SREK1: variants seen among roughly 807,000 people sequenced by gnomAD.
The protein encoded by SREK1 is splicing regulatory glutamine/lysine-rich protein 1.
A neutral mutation model predicts 66.5 loss-of-function variants in SREK1; 13 were observed. The observed-to-expected ratio is 0.20, with a 90% CI of 0.13 to 0.31. The LOEUF (loss-of-function observed/expected upper bound fraction) is 0.31. SREK1 is among the 10% of genes least tolerant of loss of function. The probability of loss-of-function intolerance (pLI) is 1.00; values close to 1 mark genes in which losing one functional copy is unlikely to be tolerated. For synonymous variants in SREK1, 265 were observed against 263.5 expected (o/e 1.01, Z -0.05); for missense variants, 607 against 769.6 (o/e 0.79, Z 2.50).
At chr5:66,156,352 T>G in intron 2 of SREK1, 1 of 1,273,042 alleles carries the variant, frequency 7.9e-7, no homozygotes, top group Non-Finnish European at 9.9e-7. Flanking sequence ...TGGTATTTCA[T>G]TAAGGGTTCA....
intron 2 of SREK1, chr5:66,156,110 G>T: frequency 6.7e-7 from 1 of 1,498,628 alleles, no homozygotes; most frequent in Non-Finnish European, 8.8e-7. Context: ...GCCTGAGTTA[G>T]GCATTGTTTG....
Position 66,170,036 on chromosome 5 carries a change from A to G in SREK1, c.1002-15A>G. The G allele has an allele frequency of 2.0e-6, 3 of 1,512,198 alleles. No individual in the cohort carries two copies. Among genetic ancestry groups the G allele is most frequent in the South Asian group, 1.4e-5 (1 of 73,790 alleles). 93.7% of individuals were successfully genotyped at this position (1,512,198 alleles called of 1,614,324 possible). ...TAAATTAAGTTTTGATATTCTAACA[A>G]TTTTTTTTCTTTAGGAGTAGATCCC... On this transcript the variant is annotated splice_polypyrimidine_tract_variant and intron_variant, in intron 7 of 11. Coordinates refer to ENST00000334121, the MANE Select transcript of SREK1 (RefSeq NM_001077199.3).
chr5:66,176,295 A>T (rs527292312), intron 10 of SREK1, among the ~76,000 whole-genome samples: 12 of 152,250 alleles, frequency 7.9e-5, no homozygotes, highest in African/African-American at 2.9e-4. Context: ...CTGGCCGTTC[A>T]TGTGCCAGTG....
chr5:66,162,361 ATC>A, intron 4 of SREK1, 51 bp from the exon 5 acceptor site: 1 of 1,605,112 alleles, frequency 6.2e-7, no homozygotes. Flanking sequence ...AGTAATATTT[ATC>A]TGATTTTTTA....
intron 1 of SREK1, among the ~76,000 whole-genome samples, chr5:66,147,966 T>G (rs1295629213): frequency 6.6e-6 from 1 of 152,088 alleles, no homozygotes; most frequent in African/African-American, 2.4e-5. Context: ...ATTTAGAGAT[T>G]AGTAATTTCT....
chr5:66,170,800 A>C lies in SREK1; in HGVS notation c.1337A>C (p.Asp446Ala). ...EREKEHEKDR[D>A]KEKEKEQDKE... Reference sequence around the variant, plus strand: ...GAAAAAGAGCATGAGAAGGATCGAGACAAAGAGAAGGAAAAGGAACAGGAC... The same window carrying C: ...GAAAAAGAGCATGAGAAGGATCGAGCCAAAGAGAAGGAAAAGGAACAGGAC... The change falls in exon 9 of 12, where the codon GAC (aspartate) becomes GCC (alanine). Residue 446 changes from aspartate to alanine, a missense_variant. Physicochemically the swap from Asp to Ala is moderately radical, Grantham distance 126 (BLOSUM62 -2). Around this residue, in one of 5 missense-constraint regions of SREK1, gnomAD observed 318 missense variants for 310.3 expected, o/e 1.02. Coordinates refer to ENST00000334121, the MANE Select transcript of SREK1 (RefSeq NM_001077199.3). The C allele has an allele frequency of 1.9e-6, 3 of 1,611,302 alleles. No homozygotes were observed.
At chr5:66,146,544 A>G (rs1418395790) in intron 1 of SREK1, among the ~76,000 whole-genome samples, 1 of 152,102 alleles carries the variant, frequency 6.6e-6, no homozygotes, top group Admixed American at 6.6e-5. Flanking sequence ...ATTGTTGCAT[A>G]CGTGTAATAT....
At chr5:66,162,006 C>T in intron 3 of SREK1, 103 bp from the exon 4 acceptor site, 1 of 1,380,846 alleles carries the variant, frequency 7.2e-7, no homozygotes, top group South Asian at 1.6e-5. Flanking sequence ...AGTCTCCTTT[C>T]ATTCTTGTTG....
At chr5:66,166,050 C>G (rs116320710) in intron 7 of SREK1, 1 of 152,162 alleles carries the variant, frequency 6.6e-6, no homozygotes, top group African/African-American at 2.4e-5. Flanking sequence ...CAAGGACTTA[C>G]AGTAAGACAC....
intron 5 of SREK1, chr5:66,162,851 G>A (rs1249134203): frequency 6.7e-6 from 2 of 296,538 alleles, no homozygotes; most frequent in East Asian, 1.2e-4. Flanking sequence ...CCTGCATAAC[G>A]GTTGTAGGTC....
intron 5 of SREK1, chr5:66,162,874 CTTTAATAGTCAGGTTGG>C (rs1744880318): frequency 4.2e-6 from 1 of 235,988 alleles, no homozygotes; most frequent in Non-Finnish European, 8.1e-6. Context: ...TTTCCATAAA[CTTTAATAGTCAGGTTGG>C]TTTTACATTA....
chr5:66,153,637 C>G, intron 2 of SREK1, 41 bp downstream of exon 2: 1 of 1,613,148 alleles, frequency 6.2e-7, no homozygotes, highest in South Asian at 1.1e-5. Context: ...GAATTTCTGT[C>G]CTGTCTGTTA....
Position 66,178,839 on chromosome 5 carries a change from A to G in SREK1, c.1846A>G (p.Asn616Asp). The G allele has an allele frequency of 6.2e-7, 1 of 1,612,420 alleles. No individual in the cohort carries two copies. Among genetic ancestry groups the G allele is most frequent in the Non-Finnish European group, 8.5e-7 (1 of 1,178,808 alleles). Residue 616 changes from asparagine to aspartate, a missense_variant, in exon 12 of 12, where the codon AAC becomes GAC. Coordinates refer to ENST00000334121, the MANE Select transcript of SREK1 (RefSeq NM_001077199.3). ...TGGGAATTGTCAGCTGAATGAAGAA[A>G]ACCTCTCTACCAAAACAGAAGCAGT... is the stretch of plus-strand genomic sequence containing the variant. ...HNGNCQLNEE[N>D]LSTKTEAV
At chr5:66,172,356 G>A (rs913478213) in intron 9 of SREK1, among the ~76,000 whole-genome samples, 1 of 152,004 alleles carries the variant, frequency 6.6e-6, no homozygotes, top group African/African-American at 2.4e-5. Flanking sequence ...AAGTTGTTTG[G>A]TGTAGAGGAA....
chr5:66,170,290 G>A, intron 8 of SREK1, 120 bp downstream of exon 8: 3 of 1,287,952 alleles, frequency 2.3e-6, no homozygotes, highest in South Asian at 1.7e-5. Flanking sequence ...TTTTTAATGA[G>A]AGAAATTAAA....
chr5:66,181,542 G>A lies in SREK1; in HGVS notation c.*2674G>A, dbSNP rs1746486660. The A allele has an allele frequency of 6.6e-6, 1 of 152,130 alleles. No homozygotes were observed. The highest frequency in any genetic ancestry group is 1.5e-5 in the Non-Finnish European group (1 of 68,030). 9.4% of individuals were successfully genotyped at this position (152,130 alleles called of 1,614,324 possible). ...ATCTTTTGTAGCTTGATTACATAGA[G>A]TACCCTCTCTTCCTTAAGTTGTAGT... is the stretch of plus-strand genomic sequence containing the variant. On this transcript the variant is annotated 3_prime_UTR_variant, in exon 12 of 12. Transcript: ENST00000334121.
At position 66,174,949 on chromosome 5, in the gene SREK1, A is replaced by C; in HGVS notation, c.1488A>C (p.Glu496Asp). The change falls in exon 10 of 12, where the codon GAA becomes GAC. Residue 496 changes from glutamate (E) to aspartate (D), a missense_variant. Transcript: ENST00000334121. ...ASRRSRSSSR[E>D]RRRRRSRSSS... ...ATGATGTGTTTTTGATTTTCAGGGAAAGGCGTAGGAGGAGGAGCAGGAGTT... is the reference window on the plus strand; with the variant it reads ...ATGATGTGTTTTTGATTTTCAGGGACAGGCGTAGGAGGAGGAGCAGGAGTT... The C allele has an allele frequency of 6.2e-7, 1 of 1,610,122 alleles. No homozygotes were observed. Among genetic ancestry groups the C allele is most frequent in the South Asian group, 1.1e-5 (1 of 89,936 alleles).
chr5:66,151,571 C>T (rs971809838), intron 1 of SREK1, among the ~76,000 whole-genome samples: 2 of 152,160 alleles, frequency 1.3e-5, no homozygotes, highest in African/African-American at 4.8e-5. Flanking sequence ...TTTCAACTTA[C>T]TTAGTGACCA....
chr5:66,174,952 G>A lies in SREK1; in HGVS notation c.1491G>A (p.Arg497=), dbSNP rs772728374. The change falls in exon 10 of 12, where the codon AGG becomes AGA. Residue 497 remains arginine (R), a synonymous_variant. Transcript: ENST00000334121. ...SRRSRSSSRE[R]RRRRSRSSSR... is the part of the protein sequence containing the mutation. ...ATGTGTTTTTGATTTTCAGGGAAAG[G>A]CGTAGGAGGAGGAGCAGGAGTTCTT... 4 of 1,612,600 alleles carry A rather than the reference G, an allele frequency of 2.5e-6. No homozygotes were observed. The highest frequency in any genetic ancestry group is 1.7e-5 in the Admixed American group (1 of 59,890).
Sources: allele counts gnomAD v4.1 joint callset (sites outside exome capture counted in the v4.1 genomes callset), GRCh38; gene constraint gnomAD v4.1.1; regional missense constraint gnomAD v4.1.1; transcripts MANE v1.5; gene names NCBI Gene and HGNC (gene_info 2026-07-23, HGNC 2026-07-21).